Variants in RAB8A observed in about 807,000 individuals in gnomAD.
RAB8A encodes ras-related protein Rab-8A.
RAB8A carries 5 observed loss-of-function variants against 29.2 expected under a neutral mutation model. That is an observed-to-expected ratio of 0.17 (90% CI 0.09 to 0.36). The LOEUF (loss-of-function observed/expected upper bound fraction) is 0.36, where lower values mean the gene tolerates loss of function less well. Ranked by LOEUF, RAB8A falls within the 10% of genes least tolerant of loss-of-function variation. The pLI is 1.00. For missense variants in RAB8A, 171 were observed against 272.2 expected (o/e 0.63, Z 2.62); for synonymous variants, 108 against 99.9 (o/e 1.08, Z -0.49).
chr19:16,124,026 A>T (rs2090886335), intron 3 of RAB8A: 1 of 152,058 alleles, frequency 6.6e-6, no homozygotes, highest in South Asian at 2.1e-4. Flanking sequence ...TAATCCAGGA[A>T]TTTGAGTCTT....
At chr19:16,120,347 C>T (rs1195135160) in intron 2 of RAB8A, among the ~76,000 whole-genome samples, 3 of 142,652 alleles carry the variant, frequency 2.1e-5, no homozygotes, top group Non-Finnish European at 4.6e-5. Flanking sequence ...AAGTCTCACT[C>T]TGTCACCCAG....
At chr19:16,114,854 C>T (rs1407739967) in intron 1 of RAB8A, among the ~76,000 whole-genome samples, 1 of 129,468 alleles carries the variant, frequency 7.7e-6, no homozygotes, top group Non-Finnish European at 1.6e-5. Context: ...AGCCTTCTGT[C>T]TTCTAGGAAA....
Position 16,125,195 on chromosome 19 carries a change from G to A in RAB8A, c.247-275G>A. 1.9e-6 allele frequency: 1 copy of A among 532,386 alleles called. No individual in the cohort carries two copies. 33.0% of individuals were successfully genotyped at this position (532,386 alleles called of 1,614,324 possible). ...GAGCCAGCCGGGCTTGTCAGCGAGT[G>A]CGTGGCAGGGGCTGGCCTGTGAGGC... On this transcript the variant is annotated intron_variant, in intron 3 of 7. Coordinates refer to ENST00000300935, the MANE Select transcript of RAB8A (RefSeq NM_005370.5). This position sits in a 1 kb window ranked among gnomAD's most constrained non-coding sequence, Gnocchi z 5.0.
rs2090929565 is a variant in RAB8A at position 16,132,385 on chromosome 19, C to G, written c.*81C>G. On this transcript the variant is annotated 3_prime_UTR_variant, in exon 8 of 8. Transcript: ENST00000300935. This position sits in a 1 kb window ranked among gnomAD's most constrained non-coding sequence, Gnocchi z 5.6. ...GTGAGCCCCTCACTCAGCCGGGGCC[C>G]TCCCACCTCCAACGCCCCGCCCACG... 7.0e-7 allele frequency: 1 copy of G among 1,423,956 alleles called. No homozygotes were observed. The highest frequency in any genetic ancestry group is 1.2e-5 in the South Asian group (1 of 83,390). 88.2% of individuals were successfully genotyped at this position (1,423,956 alleles called of 1,614,324 possible).
At chr19:16,118,141 A>G (rs1162768532) in intron 1 of RAB8A, 85 bp from the exon 2 acceptor site, 2 of 1,182,556 alleles carry the variant, frequency 1.7e-6, no homozygotes, top group Non-Finnish European at 2.5e-6. Flanking sequence ...AACAGCTGTC[A>G]CCTGCACAGG....
intron 2 of RAB8A, among the ~76,000 whole-genome samples, chr19:16,120,199 C>T (rs1311772269): frequency 6.6e-6 from 1 of 152,164 alleles, no homozygotes. Context: ...CTGCACAATC[C>T]AGACGTATAG....
intron 1 of RAB8A, among the ~76,000 whole-genome samples, chr19:16,115,720 G>A (rs1250582366): frequency 6.6e-6 from 1 of 152,212 alleles, no homozygotes; most frequent in Non-Finnish European, 1.5e-5. Context: ...GTGCAGGACT[G>A]GGGTACCAGC....
rs1285926237 is a variant in RAB8A at position 16,115,399 on chromosome 19, C to CAA, written c.125-2824_125-2823dup. Reference sequence around the variant, plus strand: ...TGCCACTCAATCCTTAACATTTTGCCAAAAGTTACATTTCATCAAAGCCTA... The same window carrying CAA: ...TGCCACTCAATCCTTAACATTTTGCCAAAAAAGTTACATTTCATCAAAGCCTA... On this transcript the variant is annotated intron_variant, in intron 1 of 7. Transcript: ENST00000300935. Among the ~76,000 whole-genome samples, 7 of 152,238 alleles carry CAA rather than the reference C, an allele frequency of 4.6e-5. No homozygotes were observed. In the East Asian group the frequency reaches 1.3e-3, roughly 29 times the overall value.
chr19:16,127,593 CT>C lies in RAB8A; in HGVS notation c.414+68del, dbSNP rs1210607240. 4 of 1,249,472 alleles carry C rather than the reference CT, an allele frequency of 3.2e-6. No individual in the cohort carries two copies. Among genetic ancestry groups the C allele is most frequent in the Non-Finnish European group, 4.4e-6 (4 of 919,248 alleles). The allele number at this position is 1,249,472 out of a possible 1,614,324, so 77.4% of individuals were successfully genotyped here. On this transcript the variant is annotated intron_variant, in intron 5 of 7. Transcript: ENST00000300935. The surrounding 1 kb of genome is among the most constrained non-coding windows in gnomAD (Gnocchi z 4.8). ...GGGGTTCTTGTGCAGAGGCCTTCCC[CT>C]GTCCCTCCTCTGCCCCAGGGGCCTG... is the stretch of plus-strand genomic sequence containing the variant.
At chr19:16,119,296 C>G (rs2090862152) in intron 2 of RAB8A, among the ~76,000 whole-genome samples, 1 of 152,174 alleles carries the variant, frequency 6.6e-6, no homozygotes. Context: ...ACCTCTGCCC[C>G]CCGGGTTCAA....
intron 7 of RAB8A, among the ~76,000 whole-genome samples, chr19:16,130,927 G>A (rs4808456): frequency 0.012 from 1,797 of 151,926 alleles, 18 homozygotes; most frequent in Non-Finnish European, 0.016. Flanking sequence ...AGGTTCAAGC[G>A]GTTCTTCTGA....
intron 7 of RAB8A, among the ~76,000 whole-genome samples, chr19:16,130,768 C>T (rs917004847): frequency 5.3e-5 from 8 of 151,388 alleles, no homozygotes; most frequent in Admixed American, 3.3e-4. Context: ...CTCCCACCTC[C>T]GCCTCCCAAG....
At chr19:16,129,011 G>T (rs2090913998) in intron 6 of RAB8A, among the ~76,000 whole-genome samples, 1 of 152,204 alleles carries the variant, frequency 6.6e-6, no homozygotes, top group African/African-American at 2.4e-5. Flanking sequence ...GCTGGGAGAT[G>T]AACCTGCTCC....
At chr19:16,120,313 ATTT>A (rs546591257) in intron 2 of RAB8A, among the ~76,000 whole-genome samples, 6 of 130,440 alleles carry the variant, frequency 4.6e-5, no homozygotes, top group East Asian at 2.2e-4. Context: ...GTCACCTTTA[ATTT>A]TTTTTTTTTT....
In RAB8A at chr19:16,130,251, G is replaced by C. The variant is rs537369583; in HGVS notation, c.531+647G>C. Among the ~76,000 whole-genome samples, 3 of 152,114 alleles carry C rather than the reference G, an allele frequency of 2.0e-5. No homozygotes were observed. In the South Asian group the frequency reaches 6.2e-4, roughly 32 times the overall value. Reference sequence around the variant, plus strand: ...TCAAACACTTCCCTGTACTTTGGGGGCATTTAGTGCCTAAACACCGTAGTG... The same window carrying C: ...TCAAACACTTCCCTGTACTTTGGGGCCATTTAGTGCCTAAACACCGTAGTG... On this transcript the variant is annotated intron_variant, in intron 7 of 7. Coordinates refer to ENST00000300935, the MANE Select transcript of RAB8A (RefSeq NM_005370.5).
chr19:16,123,204 A>G (rs896800347), intron 3 of RAB8A, among the ~76,000 whole-genome samples: 24 of 152,208 alleles, frequency 1.6e-4, no homozygotes, highest in Admixed American at 7.9e-4. Flanking sequence ...TAGCACCCAC[A>G]TCCTCAACCA....
intron 1 of RAB8A, among the ~76,000 whole-genome samples, chr19:16,114,364 C>T (rs2144982477): frequency 6.8e-6 from 1 of 147,792 alleles, no homozygotes; most frequent in African/African-American, 2.5e-5. Flanking sequence ...CAGCCTTCCC[C>T]ACAAACCCCC....
intron 2 of RAB8A, among the ~76,000 whole-genome samples, chr19:16,120,702 C>T (rs1341674571): frequency 2.0e-5 from 3 of 151,768 alleles, no homozygotes; most frequent in Admixed American, 6.6e-5. Flanking sequence ...CCTCCACCTC[C>T]CAGGTTCAAG....
chr19:16,132,072 GGTT>G lies in RAB8A; in HGVS notation c.532-136_532-134del. On this transcript the variant is annotated intron_variant, in intron 7 of 7. Coordinates refer to ENST00000300935, the MANE Select transcript of RAB8A (RefSeq NM_005370.5). This position sits in a 1 kb window ranked among gnomAD's most constrained non-coding sequence, Gnocchi z 5.6. ...TTGGTTTGGCTGGTTTGATTGGTTT[GGTT>G]GTTTGGTTGGTTGGTTGGTTGGTTG... The G allele has an allele frequency of 1.0e-5, 7 of 689,024 alleles. No homozygotes were observed. The South Asian group carries it at 1.0e-4, about 10-fold the overall frequency. The allele number at this position is 689,024 out of a possible 1,614,324, so 42.7% of individuals were successfully genotyped here.
Sources: allele counts gnomAD v4.1 joint callset (sites outside exome capture counted in the v4.1 genomes callset), GRCh38; gene constraint gnomAD v4.1.1; non-coding constraint Gnocchi (gnomAD v3.1); transcripts MANE v1.5; gene names NCBI Gene and HGNC (gene_info 2026-07-23, HGNC 2026-07-21).